Variants in MAML3 observed in about 807,000 individuals in gnomAD.
MAML3 encodes mastermind like transcriptional coactivator 3, also known as mastermind-like protein 3.
In MAML3, 27 loss-of-function variants were observed where a neutral mutation model predicts 101.9. That is an observed-to-expected ratio of 0.27 (90% CI 0.20 to 0.37). The LOEUF (loss-of-function observed/expected upper bound fraction) is 0.37, where lower values mean the gene tolerates loss of function less well. Among genes scored for constraint, MAML3 ranks in the 10% least tolerant of loss-of-function variants. The probability of loss-of-function intolerance (pLI) is 1.00; values close to 1 mark genes in which losing one functional copy is unlikely to be tolerated. For synonymous variants in MAML3, 501 were observed against 555.9 expected (o/e 0.90, Z 1.39); for missense variants, 1,316 against 1,444.9 (o/e 0.91, Z 1.45).
chr4:140,028,514 G>A (rs567610928), intron 1 of MAML3, among the ~76,000 whole-genome samples: 1 of 151,988 alleles, frequency 6.6e-6, no homozygotes, highest in Admixed American at 6.6e-5. Context: ...ACCATATTTT[G>A]AGGAATTCAT....
At position 139,885,428 on chromosome 4, in the gene MAML3, T is replaced by A. The variant is rs550958976; in HGVS notation, c.2079+3929A>T. On this transcript the variant is annotated intron_variant, in intron 2 of 4. Coordinates refer to ENST00000509479, the MANE Select transcript of MAML3 (RefSeq NM_018717.5). ...CTCAAAAAAAGAAAGAAAGAAAGAA[T>A]AAATACAGTGATGGATGCCCTAAAT... Among the ~76,000 whole-genome samples the A allele has an allele frequency of 1.1e-4, 17 of 151,848 alleles. No individual in the cohort carries two copies. The East Asian group carries it at 1.8e-3, about 16-fold the overall frequency.
intron 1 of MAML3, among the ~76,000 whole-genome samples, chr4:139,965,682 A>G (rs1369461382): frequency 6.6e-6 from 1 of 152,210 alleles, no homozygotes; most frequent in African/African-American, 2.4e-5. Context: ...TTTTTAATCT[A>G]TCTGAGATTC....
chr4:139,976,953 C>T (rs1730859395), intron 1 of MAML3, among the ~76,000 whole-genome samples: 1 of 150,788 alleles, frequency 6.6e-6, no homozygotes, highest in South Asian at 2.1e-4. Context: ...TGTATTCCCC[C>T]AAAATTCATA....
At chr4:139,749,452 A>T (rs541062770) in intron 2 of MAML3, among the ~76,000 whole-genome samples, 6 of 152,280 alleles carry the variant, frequency 3.9e-5, no homozygotes, top group African/African-American at 1.2e-4. Context: ...CTCAGGCAAA[A>T]ACCCAGCCCT....
chr4:140,047,660 T>C (rs1316431407), intron 1 of MAML3, among the ~76,000 whole-genome samples: 2 of 151,922 alleles, frequency 1.3e-5, no homozygotes, highest in African/African-American at 4.8e-5. Flanking sequence ...GGCCAGTCCT[T>C]TATTTTTAAA....
intron 1 of MAML3, among the ~76,000 whole-genome samples, chr4:140,084,898 A>G (rs1334015872): frequency 6.6e-6 from 1 of 152,060 alleles, no homozygotes; most frequent in East Asian, 1.9e-4. Flanking sequence ...TTCCCCTACA[A>G]TGCATCACCC....
intron 1 of MAML3, among the ~76,000 whole-genome samples, chr4:140,083,258 AC>A (rs1292653804): frequency 6.6e-6 from 1 of 152,200 alleles, no homozygotes; most frequent in African/African-American, 2.4e-5. Context: ...CATCTGTAAA[AC>A]ATTTCCCCTA....
chr4:139,992,589 G>A (rs549149795), intron 1 of MAML3, among the ~76,000 whole-genome samples: 13 of 152,060 alleles, frequency 8.5e-5, no homozygotes, highest in Admixed American at 7.2e-4. Context: ...GCAGTGGTGC[G>A]ATCTCAGCTC....
At chr4:140,017,536 T>TA (rs980492252) in intron 1 of MAML3, among the ~76,000 whole-genome samples, 1 of 151,752 alleles carries the variant, frequency 6.6e-6, no homozygotes, top group Non-Finnish European at 1.5e-5. Context: ...CCAAAACCTA[T>TA]AAAAAACAAA....
chr4:139,728,188 C>T (rs1451935520), intron 3 of MAML3, among the ~76,000 whole-genome samples: 2 of 152,152 alleles, frequency 1.3e-5, no homozygotes, highest in African/African-American at 4.8e-5. Flanking sequence ...GCACTCCAGC[C>T]TGGGTGACAA....
chr4:139,746,579 G>A (rs1729328265), intron 2 of MAML3, among the ~76,000 whole-genome samples: 1 of 152,138 alleles, frequency 6.6e-6, no homozygotes, highest in Non-Finnish European at 1.5e-5. Context: ...GGGAGGGGCT[G>A]CAAATCTCCC....
At chr4:139,940,013 C>T (rs1465696227) in intron 1 of MAML3, among the ~76,000 whole-genome samples, 1 of 152,120 alleles carries the variant, frequency 6.6e-6, no homozygotes, top group African/African-American at 2.4e-5. Flanking sequence ...ATTCGTCCAC[C>T]TCGGCCTCCC....
intron 3 of MAML3, among the ~76,000 whole-genome samples, chr4:139,726,808 C>G (rs1379346255): frequency 6.6e-6 from 1 of 152,190 alleles, no homozygotes; most frequent in Non-Finnish European, 1.5e-5. Flanking sequence ...GCTAGTGTTG[C>G]TACCAATATG....
chr4:140,034,295 G>T (rs189053617), intron 1 of MAML3, among the ~76,000 whole-genome samples: 1 of 152,194 alleles, frequency 6.6e-6, no homozygotes, highest in African/African-American at 2.4e-5. Context: ...AACATCTGAT[G>T]TGAGATAGTC....
At chr4:140,143,384 T>G (rs1379923334) in intron 1 of MAML3, among the ~76,000 whole-genome samples, 1 of 152,228 alleles carries the variant, frequency 6.6e-6, no homozygotes, top group East Asian at 1.9e-4. Context: ...CTCATTAAAA[T>G]ATGCCTAGCA....
At position 139,861,738 on chromosome 4, in the gene MAML3, C is replaced by T. The variant is rs1382752751; in HGVS notation, c.2079+27619G>A. On this transcript the variant is annotated intron_variant, in intron 2 of 4. Coordinates refer to ENST00000509479, the MANE Select transcript of MAML3 (RefSeq NM_018717.5). ...CCACCTGCTGGTGGCTCCAGATACT[C>T]CCTGCTTGGTGTACCCTCAGTGGGC... 4.6e-5 allele frequency among the ~76,000 whole-genome samples: 7 copies of T among 152,230 alleles called. No homozygotes were observed. In the East Asian group the frequency reaches 1.2e-3, roughly 25 times the overall value.
At chr4:140,080,021 A>C (rs1416915757) in intron 1 of MAML3, among the ~76,000 whole-genome samples, 1 of 152,212 alleles carries the variant, frequency 6.6e-6, no homozygotes, top group Admixed American at 6.5e-5. Flanking sequence ...GATTTATTTC[A>C]AATGTATTAA....
At chr4:140,027,332 T>C (rs549853883) in intron 1 of MAML3, among the ~76,000 whole-genome samples, 12 of 152,364 alleles carry the variant, frequency 7.9e-5, no homozygotes, top group African/African-American at 2.9e-4. Flanking sequence ...TTTGCTTCCA[T>C]TGCAGTTTGC....
intron 2 of MAML3, among the ~76,000 whole-genome samples, chr4:139,827,125 C>T (rs183625625): frequency 7.3e-4 from 111 of 152,158 alleles, no homozygotes; most frequent in Middle Eastern, 3.4e-3. Flanking sequence ...GGCACAGTGA[C>T]CTCTGGCACT....
Sources: gnomAD v4.1 joint callset for allele counts (sites outside exome capture counted in the v4.1 genomes callset) on GRCh38, gnomAD v4.1.1 for gene constraint, MANE v1.5 for transcripts, NCBI Gene and HGNC (gene_info 2026-07-23, HGNC 2026-07-21) for gene names.